Variants in SLC25A21 observed in about 807,000 individuals in gnomAD.
The protein encoded by SLC25A21 is solute carrier family 25 member 21.
In SLC25A21, 47 loss-of-function variants were observed where a neutral mutation model predicts 43.8. The ratio of observed to expected loss-of-function variants is 1.07; its 90% CI spans 0.85 to 1.37. SLC25A21 has a LOEUF of 1.37. SLC25A21 is among the 40% of genes most tolerant of loss of function. SLC25A21 has a pLI of 0.00. For synonymous variants in SLC25A21, 131 were observed against 121.3 expected (o/e 1.08, Z -0.52); for missense variants, 352 against 350.2 (o/e 1.00, Z -0.04).
intron 7 of SLC25A21, among the ~76,000 whole-genome samples, chr14:36,697,956 A>G (rs1883109352): frequency 6.6e-6 from 1 of 150,550 alleles, no homozygotes; most frequent in Admixed American, 6.6e-5. Flanking sequence ...TCCTATCATT[A>G]TGATGTTAGC....
intron 3 of SLC25A21, among the ~76,000 whole-genome samples, chr14:36,802,716 C>T (rs189501291): frequency 1.7e-4 from 26 of 152,238 alleles, no homozygotes; most frequent in Admixed American, 9.2e-4. Flanking sequence ...AAACAGCATA[C>T]GAGCTGGGCA....
intron 3 of SLC25A21, among the ~76,000 whole-genome samples, chr14:36,753,905 T>G (rs1825743530): frequency 7.2e-6 from 1 of 139,498 alleles, no homozygotes; most frequent in Admixed American, 7.3e-5. Flanking sequence ...TTGAGATGGC[T>G]CTCTCACTGG....
At chr14:36,913,724 TTTAA>T (rs1298247310) in intron 1 of SLC25A21, among the ~76,000 whole-genome samples, 1 of 152,256 alleles carries the variant, frequency 6.6e-6, no homozygotes, top group Non-Finnish European at 1.5e-5. Context: ...TTATAAATCA[TTTAA>T]TTGTCAGAGT....
chr14:36,992,129 G>A (rs1481465931), intron 1 of SLC25A21, among the ~76,000 whole-genome samples: 2 of 152,194 alleles, frequency 1.3e-5, no homozygotes, highest in East Asian at 1.9e-4. Flanking sequence ...GCCATTAAAC[G>A]GCATCAGTAA....
At chr14:36,883,211 C>A (rs1890798055) in intron 1 of SLC25A21, among the ~76,000 whole-genome samples, 1 of 152,136 alleles carries the variant, frequency 6.6e-6, no homozygotes, top group Admixed American at 6.5e-5. Flanking sequence ...CTCCTCTCAC[C>A]TGCTGTCTTA....
At chr14:36,697,171 A>C (rs1238007397) in intron 7 of SLC25A21, among the ~76,000 whole-genome samples, 2 of 152,178 alleles carry the variant, frequency 1.3e-5, no homozygotes, top group Non-Finnish European at 2.9e-5. Context: ...TTATTTACCT[A>C]GTAGTCACTC....
chr14:36,977,591 G>A (rs1959907406), intron 1 of SLC25A21, among the ~76,000 whole-genome samples: 1 of 152,136 alleles, frequency 6.6e-6, no homozygotes, highest in Non-Finnish European at 1.5e-5. Flanking sequence ...CAGCAAGACA[G>A]CCTCAGGAGG....
chr14:36,767,016 T>C (rs2139291218), intron 3 of SLC25A21, among the ~76,000 whole-genome samples: 1 of 152,338 alleles, frequency 6.6e-6, no homozygotes, highest in South Asian at 2.1e-4. Flanking sequence ...CACCATTATA[T>C]TGCTATAAGT....
intron 2 of SLC25A21, among the ~76,000 whole-genome samples, chr14:36,822,222 A>AAT (rs1659119816): frequency 6.6e-6 from 1 of 152,250 alleles, no homozygotes; most frequent in African/African-American, 2.4e-5. Context: ...GGCATCAATT[A>AAT]ACACTCCAAA....
intron 1 of SLC25A21, among the ~76,000 whole-genome samples, chr14:37,171,680 G>A (rs961821100): frequency 1.3e-5 from 2 of 151,990 alleles, no homozygotes; most frequent in Non-Finnish European, 2.9e-5. Context: ...TTTTCTAAAG[G>A]TTTATTTTTT....
At chr14:36,792,254 C>G (rs959625529) in intron 3 of SLC25A21, among the ~76,000 whole-genome samples, 1 of 152,144 alleles carries the variant, frequency 6.6e-6, no homozygotes, top group South Asian at 2.1e-4. Flanking sequence ...CATTTAGGAG[C>G]AAGAGAGAAA....
At chr14:36,929,138 A>G (rs556874246) in intron 1 of SLC25A21, among the ~76,000 whole-genome samples, 1 of 152,132 alleles carries the variant, frequency 6.6e-6, no homozygotes, top group Non-Finnish European at 1.5e-5. Flanking sequence ...ACCTCCATAA[A>G]AATAAATTGA....
chr14:36,710,611 G>A (rs1179344154), intron 7 of SLC25A21, among the ~76,000 whole-genome samples: 1 of 151,822 alleles, frequency 6.6e-6, no homozygotes, highest in African/African-American at 2.4e-5. Context: ...TTAATTTTTT[G>A]TAGAGAGAGG....
chr14:36,819,715 A>G (rs1888565377), intron 2 of SLC25A21, among the ~76,000 whole-genome samples: 1 of 152,228 alleles, frequency 6.6e-6, no homozygotes, highest in Non-Finnish European at 1.5e-5. Context: ...TGGGGAGTGG[A>G]GGCTTTAGAA....
intron 1 of SLC25A21, among the ~76,000 whole-genome samples, chr14:36,919,879 A>G (rs1891933603): frequency 6.6e-6 from 1 of 152,046 alleles, no homozygotes; most frequent in Non-Finnish European, 1.5e-5. Flanking sequence ...GTGATGAATG[A>G]AAGTAAAGAT....
At chr14:36,687,162 A>C (rs1438802399) in intron 7 of SLC25A21, among the ~76,000 whole-genome samples, 33 of 152,170 alleles carry the variant, frequency 2.2e-4, no homozygotes, top group Non-Finnish European at 1.5e-5. Flanking sequence ...CACATTGGCC[A>C]GGCTGCTCTC....
chr14:36,810,791 T>C (rs1259537533), intron 3 of SLC25A21, among the ~76,000 whole-genome samples: 1 of 146,142 alleles, frequency 6.8e-6, no homozygotes, highest in Non-Finnish European at 1.5e-5. Context: ...TTAGGAAATA[T>C]ATTCTTGGGA....
At chr14:37,031,228 A>G (rs1033230496) in intron 1 of SLC25A21, among the ~76,000 whole-genome samples, 1 of 152,248 alleles carries the variant, frequency 6.6e-6, no homozygotes, top group African/African-American at 2.4e-5. Context: ...ACAGTGTTCA[A>G]CAGTGTTCAA....
chr14:36,731,035 C>T (rs937686756), intron 4 of SLC25A21, among the ~76,000 whole-genome samples: 2 of 150,050 alleles, frequency 1.3e-5, no homozygotes, highest in African/African-American at 2.5e-5. Context: ...TGCAGTGGCG[C>T]GATCTCGGCT....
Sources: allele counts gnomAD v4.1 joint callset (sites outside exome capture counted in the v4.1 genomes callset), GRCh38; gene constraint gnomAD v4.1.1; transcripts MANE v1.5; gene names NCBI Gene and HGNC (gene_info 2026-07-23, HGNC 2026-07-21).